STXBP5L: variants seen among roughly 807,000 people sequenced by gnomAD.
STXBP5L encodes the protein syntaxin binding protein 5L.
In STXBP5L, 65 loss-of-function variants were observed where a neutral mutation model predicts 144.5. That is an observed-to-expected ratio of 0.45 (90% CI 0.37 to 0.55). The LOEUF is 0.55. Ranked by LOEUF, STXBP5L falls within the 20% of genes least tolerant of loss-of-function variation. The pLI is 0.00. For missense variants in STXBP5L, 1,298 were observed against 1,405.5 expected (o/e 0.92, Z 1.22); for synonymous variants, 505 against 469.6 (o/e 1.08, Z -0.97).
intron 15 of STXBP5L, among the ~76,000 whole-genome samples, chr3:121,254,484 A>G (rs2050141419): frequency 6.6e-6 from 1 of 152,154 alleles, no homozygotes; most frequent in Non-Finnish European, 1.5e-5. Flanking sequence ...TCAACCTCTC[A>G]CCTAACAATC....
chr3:121,050,629 T>C (rs1191556324), intron 5 of STXBP5L, among the ~76,000 whole-genome samples: 1 of 151,930 alleles, frequency 6.6e-6, no homozygotes, highest in Non-Finnish European at 1.5e-5. Flanking sequence ...ACTGCAAAAA[T>C]ATGCCAAAAT....
At chr3:121,007,220 C>T (rs1227950249) in intron 3 of STXBP5L, among the ~76,000 whole-genome samples, 1 of 152,052 alleles carries the variant, frequency 6.6e-6, no homozygotes, top group Non-Finnish European at 1.5e-5. Flanking sequence ...AGTTACTTTA[C>T]ATTTCTGTGA....
At chr3:121,363,854 A>G (rs1485704317) in intron 20 of STXBP5L, among the ~76,000 whole-genome samples, 3 of 151,944 alleles carry the variant, frequency 2.0e-5, no homozygotes, top group Non-Finnish European at 4.4e-5. Context: ...TATGCCTCCT[A>G]TCTTTGCCCG....
chr3:120,995,013 G>T (rs1943227043), intron 3 of STXBP5L, among the ~76,000 whole-genome samples: 1 of 152,000 alleles, frequency 6.6e-6, no homozygotes, highest in South Asian at 2.1e-4. Flanking sequence ...GAGGTTTTAT[G>T]TAACCAGGAG....
At chr3:120,929,597 G>A (rs1709818272) in intron 2 of STXBP5L, among the ~76,000 whole-genome samples, 1 of 151,840 alleles carries the variant, frequency 6.6e-6, no homozygotes, top group Non-Finnish European at 1.5e-5. Flanking sequence ...ACGAACATCT[G>A]TGGGCATTAA....
intron 3 of STXBP5L, among the ~76,000 whole-genome samples, chr3:120,976,870 A>T (rs1401126723): frequency 6.6e-6 from 1 of 152,098 alleles, no homozygotes; most frequent in Non-Finnish European, 1.5e-5. Context: ...TGAGTTTCTT[A>T]ACCCTGAGTT....
At chr3:120,975,486 C>T (rs1267614143) in intron 3 of STXBP5L, among the ~76,000 whole-genome samples, 1 of 152,178 alleles carries the variant, frequency 6.6e-6, no homozygotes, top group Non-Finnish European at 1.5e-5. Flanking sequence ...ATGTCATCTG[C>T]AAACAGAGAC....
At chr3:121,275,071 T>C (rs544748458) in intron 18 of STXBP5L, among the ~76,000 whole-genome samples, 1 of 152,346 alleles carries the variant, frequency 6.6e-6, no homozygotes, top group East Asian at 1.9e-4. Context: ...TGTGTGAGTT[T>C]ATTTCCAGGT....
At chr3:121,356,070 C>T (rs2045501449) in intron 20 of STXBP5L, among the ~76,000 whole-genome samples, 1 of 152,196 alleles carries the variant, frequency 6.6e-6, no homozygotes, top group African/African-American at 2.4e-5. Flanking sequence ...GAAGCTTCGC[C>T]CCACAGGGGC....
intron 5 of STXBP5L, among the ~76,000 whole-genome samples, chr3:121,087,238 A>T (rs1376538435): frequency 6.6e-6 from 1 of 151,886 alleles, no homozygotes; most frequent in East Asian, 1.9e-4. Context: ...ATCCTTACTG[A>T]TTTTCTCTTT....
chr3:121,019,549 C>T (rs1945395790), intron 3 of STXBP5L, among the ~76,000 whole-genome samples: 1 of 152,188 alleles, frequency 6.6e-6, no homozygotes, highest in Non-Finnish European at 1.5e-5. Context: ...TGGAGCAGGT[C>T]CTGGTATCCA....
At chr3:121,210,440 T>A (rs1224152681) in intron 10 of STXBP5L, among the ~76,000 whole-genome samples, 2 of 152,122 alleles carry the variant, frequency 1.3e-5, no homozygotes, top group East Asian at 3.9e-4. Context: ...TTTAATTAGA[T>A]CCCATTTGTC....
chr3:121,058,982 T>A (rs1279656898), intron 5 of STXBP5L, among the ~76,000 whole-genome samples: 1 of 152,222 alleles, frequency 6.6e-6, no homozygotes, highest in Admixed American at 6.5e-5. Flanking sequence ...TTTAATTAGA[T>A]CCCATTTGTC....
chr3:121,308,361 A>G (rs899123818), intron 19 of STXBP5L, among the ~76,000 whole-genome samples: 24 of 152,350 alleles, frequency 1.6e-4, no homozygotes, highest in African/African-American at 4.8e-4. Context: ...GAGAGAATTT[A>G]TTACTAGCAG....
intron 3 of STXBP5L, among the ~76,000 whole-genome samples, chr3:120,974,818 G>C (rs1326273627): frequency 3.9e-5 from 6 of 152,076 alleles, no homozygotes; most frequent in Admixed American, 2.0e-4. Context: ...CCCATTTCTT[G>C]TTTTTGTCAG....
At chr3:121,408,629 A>C (rs1215319993) in intron 23 of STXBP5L, among the ~76,000 whole-genome samples, 4 of 152,004 alleles carry the variant, frequency 2.6e-5, no homozygotes, top group African/African-American at 9.7e-5. Flanking sequence ...AGTTTGAAGC[A>C]AATTGTTGAC....
chr3:121,187,171 A>G (rs1029026956), intron 9 of STXBP5L, among the ~76,000 whole-genome samples: 4 of 152,058 alleles, frequency 2.6e-5, no homozygotes, highest in Non-Finnish European at 4.4e-5. Context: ...ACTATGATAG[A>G]CTGGATGAAG....
intron 7 of STXBP5L, among the ~76,000 whole-genome samples, chr3:121,126,427 G>T (rs1340977298): frequency 6.6e-6 from 1 of 152,098 alleles, no homozygotes; most frequent in African/African-American, 2.4e-5. Flanking sequence ...TTGAAGTTAG[G>T]TTGTCTCCTG....
chr3:121,285,153 A>AT (rs2051187751), intron 19 of STXBP5L, among the ~76,000 whole-genome samples: 1 of 152,090 alleles, frequency 6.6e-6, no homozygotes, highest in Non-Finnish European at 1.5e-5. Flanking sequence ...AGTTCCATTG[A>AT]TTATCTATTC....
Sources: gnomAD v4.1 joint callset for allele counts (sites outside exome capture counted in the v4.1 genomes callset) on GRCh38, gnomAD v4.1.1 for gene constraint, MANE v1.5 for transcripts, NCBI Gene and HGNC (gene_info 2026-07-23, HGNC 2026-07-21) for gene names.